Variants in PAK5 observed in about 807,000 individuals in gnomAD.
PAK5 encodes serine/threonine-protein kinase PAK 5.
In PAK5, 16 loss-of-function variants were observed where a neutral mutation model predicts 65.9. The observed-to-expected ratio is 0.24, with a 90% CI of 0.16 to 0.37. The LOEUF is 0.37. Ranked by LOEUF, PAK5 falls within the 10% of genes least tolerant of loss-of-function variation. The pLI, the probability that PAK5 is intolerant of heterozygous loss-of-function variation, is 1.00. For synonymous variants in PAK5, 371 were observed against 354.9 expected (o/e 1.05, Z -0.51); for missense variants, 785 against 903.9 (o/e 0.87, Z 1.69).
At position 9,613,745 on chromosome 20, in the gene PAK5, C is replaced by T. The variant is rs112195157; in HGVS notation, c.204+30380G>A. Among the ~76,000 whole-genome samples the T allele has an allele frequency of 7.6e-3, 1,152 of 152,282 alleles. 21 individuals carry two copies. Among genetic ancestry groups the T allele is most frequent in the African/African-American group, 0.026 (1,079 of 41,554 alleles). On this transcript the variant is annotated intron_variant, in intron 3 of 9. Transcript: ENST00000353224. ...ACCCAACTCCATTTCCCCCTAGCCA[C>T]CCTGTCCTAGCTCAGGGAAAAACTG...
chr20:9,760,749 G>T (rs1325239874), intron 1 of PAK5, among the ~76,000 whole-genome samples: 1 of 140,830 alleles, frequency 7.1e-6, no homozygotes, highest in East Asian at 2.1e-4. Context: ...TCGGCTCACT[G>T]CAATCTCCAC....
chr20:9,579,047 T>C (rs977094121), intron 4 of PAK5, among the ~76,000 whole-genome samples: 2 of 152,212 alleles, frequency 1.3e-5, no homozygotes, highest in African/African-American at 2.4e-5. Context: ...CTCTTCAACA[T>C]CTTGGATGAG....
intron 6 of PAK5, among the ~76,000 whole-genome samples, chr20:9,560,255 C>G (rs2045571993): frequency 6.6e-6 from 1 of 152,170 alleles, no homozygotes; most frequent in Non-Finnish European, 1.5e-5. Context: ...TACTTCTTTC[C>G]TATAGGAAAA....
At chr20:9,794,988 C>T (rs573358957) in intron 1 of PAK5, among the ~76,000 whole-genome samples, 4 of 152,136 alleles carry the variant, frequency 2.6e-5, no homozygotes, top group South Asian at 4.2e-4. Flanking sequence ...ACACACACTG[C>T]TTACAACTCA....
chr20:9,837,694 C>T (rs569972193), intron 1 of PAK5, among the ~76,000 whole-genome samples: 253 of 152,200 alleles, frequency 1.7e-3, no homozygotes, highest in African/African-American at 6.0e-3. Context: ...AGCGGTTGCA[C>T]TAGAAGATTT....
chr20:9,616,415 C>T (rs755856502), intron 3 of PAK5, among the ~76,000 whole-genome samples: 10 of 152,196 alleles, frequency 6.6e-5, no homozygotes, highest in Admixed American at 2.0e-4. Context: ...CTATTTTATG[C>T]TGCTGGAAAC....
At chr20:9,609,602 G>C (rs1030703468) in intron 3 of PAK5, among the ~76,000 whole-genome samples, 1 of 152,174 alleles carries the variant, frequency 6.6e-6, no homozygotes, top group South Asian at 2.1e-4. Flanking sequence ...CCAACCCTCA[G>C]CCACCAGTGG....
intron 1 of PAK5, among the ~76,000 whole-genome samples, chr20:9,723,684 G>C (rs1373369230): frequency 6.6e-6 from 1 of 152,152 alleles, no homozygotes; most frequent in African/African-American, 2.4e-5. Context: ...GGCAGGTGCA[G>C]AATGAGACAC....
chr20:9,725,005 T>C (rs1335101445), intron 1 of PAK5, among the ~76,000 whole-genome samples: 1 of 152,072 alleles, frequency 6.6e-6, no homozygotes, highest in Non-Finnish European at 1.5e-5. Context: ...ATATCTGACA[T>C]AACCCATAAA....
chr20:9,543,304 G>A (rs1407484990), intron 8 of PAK5, among the ~76,000 whole-genome samples: 1 of 152,076 alleles, frequency 6.6e-6, no homozygotes. Context: ...AAAAGAAAAG[G>A]AAGAGATGAC....
intron 1 of PAK5, among the ~76,000 whole-genome samples, chr20:9,744,140 G>A (rs1327733027): frequency 1.3e-5 from 2 of 152,284 alleles, no homozygotes; most frequent in East Asian, 3.9e-4. Flanking sequence ...GTGGGTCCCT[G>A]TAGATACCTT....
At chr20:9,607,534 C>T (rs1367747800) in intron 3 of PAK5, among the ~76,000 whole-genome samples, 1 of 152,154 alleles carries the variant, frequency 6.6e-6, no homozygotes, top group Non-Finnish European at 1.5e-5. Context: ...TGGCATGTGG[C>T]TGTGTAGAAA....
chr20:9,567,729 T>A (rs1309837589), intron 4 of PAK5, among the ~76,000 whole-genome samples: 1 of 152,222 alleles, frequency 6.6e-6, no homozygotes, highest in Non-Finnish European at 1.5e-5. Context: ...TCTGCCCTCC[T>A]GGGGTTTATG....
chr20:9,590,791 A>G (rs113415630), intron 3 of PAK5, among the ~76,000 whole-genome samples: 1 of 152,040 alleles, frequency 6.6e-6, no homozygotes, highest in Admixed American at 6.6e-5. Flanking sequence ...TTTGTTGGCC[A>G]AGTCAATTGA....
intron 1 of PAK5, among the ~76,000 whole-genome samples, chr20:9,763,731 G>T (rs571283844): frequency 1.3e-5 from 2 of 152,072 alleles, no homozygotes; most frequent in Non-Finnish European, 2.9e-5. Context: ...ATTTCAAACT[G>T]AAGAAAAGTT....
Position 9,671,031 on chromosome 20 carries a change from A to G in PAK5, c.-11-26692T>C, listed in dbSNP as rs1442286784. On this transcript the variant is annotated intron_variant, in intron 2 of 9. Coordinates refer to ENST00000353224, the MANE Select transcript of PAK5 (RefSeq NM_177990.4). ...CCCAGCACCATTTATTAAATAGGGA[A>G]TCCTTTCCCCATTGCTTGTTTTTGT... 2.6e-5 allele frequency among the ~76,000 whole-genome samples: 4 copies of G among 152,292 alleles called. No individual in the cohort carries two copies. In the East Asian group the frequency reaches 7.7e-4, roughly 29 times the overall value.
intron 1 of PAK5, among the ~76,000 whole-genome samples, chr20:9,745,502 T>C (rs903174040): frequency 6.6e-6 from 1 of 152,128 alleles, no homozygotes; most frequent in Admixed American, 6.6e-5. Context: ...TTAATACCTA[T>C]AACTCATCTT....
At chr20:9,631,050 T>C (rs567378110) in intron 3 of PAK5, among the ~76,000 whole-genome samples, 16 of 152,276 alleles carry the variant, frequency 1.1e-4, no homozygotes, top group South Asian at 8.3e-4. Flanking sequence ...AATCACAATT[T>C]AGATGATGAG....
rs183510732 is a variant in PAK5 at position 9,718,604 on chromosome 20, G to A, written c.-161-7169C>T. 6.2e-4 allele frequency among the ~76,000 whole-genome samples: 95 copies of A among 152,250 alleles called. 1 individual carries two copies. Among genetic ancestry groups the A allele is most frequent in the Admixed American group, 1.0e-3 (16 of 15,284 alleles). ...TCATGAAAGATGCTAGATCCCATTA[G>A]ATTAAAACCTTCCAACAACTCTGAG... On this transcript the variant is annotated intron_variant, in intron 1 of 9. Coordinates refer to ENST00000353224, the MANE Select transcript of PAK5 (RefSeq NM_177990.4).
Sources: allele counts gnomAD v4.1 joint callset (sites outside exome capture counted in the v4.1 genomes callset), GRCh38; gene constraint gnomAD v4.1.1; transcripts MANE v1.5; gene names NCBI Gene and HGNC (gene_info 2026-07-23, HGNC 2026-07-21).